The following SLC37A2 variants were observed in gnomAD, a reference collection of about 807,000 sequenced individuals.
The protein encoded by SLC37A2 is solute carrier family 37 member 2, also known as glucose-6-phosphate exchanger SLC37A2.
A neutral mutation model predicts 70.7 loss-of-function variants in SLC37A2; 59 were observed. That is an observed-to-expected ratio of 0.83 (90% CI 0.68 to 1.04). The LOEUF (loss-of-function observed/expected upper bound fraction) is 1.04, where lower values mean the gene tolerates loss of function less well. SLC37A2 is among the 50% of genes least tolerant of loss of function. The pLI, the probability that SLC37A2 is intolerant of heterozygous loss-of-function variation, is 0.00. For synonymous variants in SLC37A2, 257 were observed against 262.1 expected (o/e 0.98, Z 0.19); for missense variants, 580 against 658.1 (o/e 0.88, Z 1.30).
intron 6 of SLC37A2, among the ~76,000 whole-genome samples, chr11:125,079,965 T>C (rs1949129511): frequency 6.6e-6 from 1 of 152,224 alleles, no homozygotes; most frequent in Non-Finnish European, 1.5e-5. Flanking sequence ...ACCTTAGTTA[T>C]GTTTTTTTCT....
chr11:125,081,662 G>T, intron 8 of SLC37A2, 92 bp from the exon 9 acceptor site: 2 of 1,481,350 alleles, frequency 1.4e-6, no homozygotes, highest in Non-Finnish European at 1.8e-6. Flanking sequence ...TCCCCATCCT[G>T]GGAGCCAGTG....
Position 125,083,981 on chromosome 11 carries a change from A to G in SLC37A2, c.1039+104A>G. 8.3e-7 allele frequency: 1 copy of G among 1,199,294 alleles called. No homozygotes were observed. The highest frequency in any genetic ancestry group is 1.2e-6 in the Non-Finnish European group (1 of 821,188). The allele number at this position is 1,199,294 out of a possible 1,614,324, so 74.3% of individuals were successfully genotyped here. A position where few individuals can be genotyped will look rare whatever the true frequency, so the allele number is the denominator to read the frequency against. On this transcript the variant is annotated intron_variant, in intron 11 of 17. Transcript: ENST00000403796. The surrounding 1 kb of genome is among the most constrained non-coding windows in gnomAD (Gnocchi z 4.6). ...ATGGGCTATGACCTGGGTAGGTGGC[A>G]CCAGAGGAAAAATGGCTCCTGGGTT...
chr11:125,079,156 C>A lies in SLC37A2; in HGVS notation c.359C>A (p.Ala120Asp). ...ERLPLRYYLSAGMLLSGLFTS... is the reference protein window; with the variant it reads ...ERLPLRYYLSDGMLLSGLFTS... ...CTTCCGCTCCGTTACTACCTCTCAG[C>A]TGGAATGCTGCTCAGTGGCCTTTTC... is the stretch of plus-strand genomic sequence containing the variant. The change falls in exon 5 of 18, where the codon GCT (alanine) becomes GAT (aspartate). Residue 120 changes from alanine to aspartate, a missense_variant. Coordinates refer to ENST00000403796, the MANE Select transcript of SLC37A2 (RefSeq NM_001145290.2). The A allele has an allele frequency of 6.2e-7, 1 of 1,614,236 alleles. No individual in the cohort carries two copies. The highest frequency in any genetic ancestry group is 8.5e-7 in the Non-Finnish European group (1 of 1,180,028).
chr11:125,080,657 G>T lies in SLC37A2; in HGVS notation c.571G>T (p.Gly191Cys). 1 of 1,572,090 alleles carries T rather than the reference G, an allele frequency of 6.4e-7. No individual in the cohort carries two copies. Among genetic ancestry groups the T allele is most frequent in the Non-Finnish European group, 8.6e-7 (1 of 1,158,330 alleles). ...CATCTGGAATTCCCACACATCTGTGGGCAACATCCTGGGCTCCCTGATCGC... is the reference window on the plus strand; with the variant it reads ...CATCTGGAATTCCCACACATCTGTGTGCAACATCCTGGGCTCCCTGATCGC... ...MGIWNSHTSV[G>C]NILGSLIAGI... Residue 191 changes from glycine to cysteine, a missense_variant, in exon 7 of 18, where the codon GGC (glycine) becomes TGC (cysteine). Transcript: ENST00000403796. The surrounding 1 kb of genome is among the most constrained non-coding windows in gnomAD (Gnocchi z 4.3).
rs1321102787 is a variant in SLC37A2, at chr11:125,088,582, CTT to C, written c.*450_*451del. 7 of 150,298 alleles carry C rather than the reference CTT, an allele frequency of 4.7e-5. No individual in the cohort carries two copies. Among genetic ancestry groups the C allele is most frequent in the African/African-American group, 1.5e-4 (6 of 39,888 alleles). The allele number at this position is 150,298 out of a possible 1,614,324, so 9.3% of individuals were successfully genotyped here. On this transcript the variant is annotated 3_prime_UTR_variant, in exon 18 of 18. Coordinates refer to ENST00000403796, the MANE Select transcript of SLC37A2 (RefSeq NM_001145290.2). ...ACTCCACCAAAGGAGCCCAGCCTCT[CTT>C]TGTCCCTCTATCCATGCAACAGTCT...
chr11:125,085,533 G>C (rs1949201158), intron 15 of SLC37A2, 44 bp from the exon 16 acceptor site: 1 of 1,612,700 alleles, frequency 6.2e-7, no homozygotes, highest in Admixed American at 1.7e-5. Flanking sequence ...CCGGTGGGCA[G>C]GGGAGGTGCA....
At chr11:125,078,677 C>T (rs528822501) in intron 4 of SLC37A2, among the ~76,000 whole-genome samples, 6 of 152,114 alleles carry the variant, frequency 3.9e-5, no homozygotes, top group Non-Finnish European at 7.4e-5. Flanking sequence ...AGGAATTCAG[C>T]TTAAGAGCAC....
intron 1 of SLC37A2, among the ~76,000 whole-genome samples, chr11:125,065,867 A>G (rs973169420): frequency 2.0e-5 from 3 of 152,244 alleles, no homozygotes; most frequent in African/African-American, 7.2e-5. Flanking sequence ...AAAGATATTT[A>G]TAAGTGTTTC....
At chr11:125,085,732 G>A (rs1056215709) in intron 16 of SLC37A2, 58 bp downstream of exon 16, 23 of 1,570,290 alleles carry the variant, frequency 1.5e-5, no homozygotes, top group Non-Finnish European at 1.9e-5. Flanking sequence ...TGCCAGACTG[G>A]AACCCTGGAG....
Position 125,083,703 on chromosome 11 carries a change from C to A in SLC37A2, c.977-112C>A. The A allele has an allele frequency of 1.0e-6, 1 of 982,128 alleles. No homozygotes were observed. The highest frequency in any genetic ancestry group is 1.6e-6 in the Non-Finnish European group (1 of 624,400). 60.8% of individuals were successfully genotyped at this position (982,128 alleles called of 1,614,324 possible). A position where few individuals can be genotyped will look rare whatever the true frequency, so the allele number is the denominator to read the frequency against. On this transcript the variant is annotated intron_variant, in intron 10 of 17. Transcript: ENST00000403796. This position sits in a 1 kb window ranked among gnomAD's most constrained non-coding sequence, Gnocchi z 4.6. ...CTGCTCCACAGGTCCCCAGCTCTTCCTCGGAAAAGGGGGCAGTGGTCTGGA... is the reference window on the plus strand; with the variant it reads ...CTGCTCCACAGGTCCCCAGCTCTTCATCGGAAAAGGGGGCAGTGGTCTGGA...
intron 12 of SLC37A2, 24 bp downstream of exon 12, chr11:125,084,343 G>A (rs1178892655): frequency 6.2e-7 from 1 of 1,612,326 alleles, no homozygotes; most frequent in Non-Finnish European, 8.5e-7. Flanking sequence ...CGAGGGTGAA[G>A]TGCGAATGCA....
At chr11:125,084,182 G>C (rs1334596881) in intron 11 of SLC37A2, 52 bp from the exon 12 acceptor site, 2 of 1,598,860 alleles carry the variant, frequency 1.3e-6, no homozygotes, top group African/African-American at 2.7e-5. Context: ...CCAGGCGAGG[G>C]GATGGCAGGG....
intron 1 of SLC37A2, among the ~76,000 whole-genome samples, chr11:125,074,810 C>T (rs1357298827): frequency 6.6e-6 from 1 of 152,186 alleles, no homozygotes; most frequent in East Asian, 1.9e-4. Flanking sequence ...TAGCTGGGGC[C>T]CCAGTGGGGC....
At position 125,064,377 on chromosome 11, in the gene SLC37A2, A is replaced by G. The variant is rs539974295; in HGVS notation, c.59+951A>G. ...CTGTCTCTAGAAGTAAAAAAAGGAAAGAAAAGAAAAATGGATGATGTAGCA... is the reference window on the plus strand; with the variant it reads ...CTGTCTCTAGAAGTAAAAAAAGGAAGGAAAAGAAAAATGGATGATGTAGCA... On this transcript the variant is annotated intron_variant, in intron 1 of 17. Transcript: ENST00000403796. Among the ~76,000 whole-genome samples the G allele has an allele frequency of 1.2e-4, 18 of 152,296 alleles. No individual in the cohort carries two copies. The South Asian group carries it at 3.5e-3, about 30-fold the overall frequency.
At chr11:125,082,108 G>T (rs1949157219) in intron 9 of SLC37A2, 136 bp from the exon 10 acceptor site, 2 of 1,005,136 alleles carry the variant, frequency 2.0e-6, no homozygotes, top group African/African-American at 1.6e-5. Flanking sequence ...GCTTTTATTG[G>T]GACTGGATGT....
In SLC37A2 at chr11:125,090,461, G is replaced by A. The variant is rs1195729068; in HGVS notation, c.*2327G>A. 2.6e-5 allele frequency: 4 copies of A among 152,444 alleles called. No individual in the cohort carries two copies. Among genetic ancestry groups the A allele is most frequent in the Admixed American group, 2.0e-4 (3 of 15,294 alleles). The allele number at this position is 152,444 out of a possible 1,614,324, so 9.4% of individuals were successfully genotyped here. ...GAGCCAGCATTGGCAACTCGCTCGG[G>A]TCCCCTTCCACGCTGTGGGAGCTTT... On this transcript the variant is annotated 3_prime_UTR_variant, in exon 18 of 18. Coordinates refer to ENST00000403796, the MANE Select transcript of SLC37A2 (RefSeq NM_001145290.2).
chr11:125,069,619 G>A (rs932338664), intron 1 of SLC37A2, among the ~76,000 whole-genome samples: 11 of 152,232 alleles, frequency 7.2e-5, no homozygotes, highest in Admixed American at 5.9e-4. Flanking sequence ...GGTGTTCTGA[G>A]CAGAGGTCAC....
chr11:125,064,912 T>C (rs59043790), intron 1 of SLC37A2, among the ~76,000 whole-genome samples: 4,356 of 152,252 alleles, frequency 0.029, 207 homozygotes, highest in African/African-American at 0.099. Context: ...GCCACCTAAA[T>C]GTAGACTAAA....
intron 1 of SLC37A2, among the ~76,000 whole-genome samples, chr11:125,066,632 A>G (rs935922636): frequency 6.6e-6 from 1 of 152,238 alleles, no homozygotes; most frequent in African/African-American, 2.4e-5. Context: ...TGCAAAACAA[A>G]AAGATGTTAA....
Sources: gnomAD v4.1 joint callset for allele counts (sites outside exome capture counted in the v4.1 genomes callset) on GRCh38, gnomAD v4.1.1 for gene constraint, Gnocchi (gnomAD v3.1) non-coding constraint, MANE v1.5 for transcripts, NCBI Gene and HGNC (gene_info 2026-07-23, HGNC 2026-07-21) for gene names.